POU2F1: variants seen among roughly 807,000 people sequenced by gnomAD.
The protein encoded by POU2F1 is POU domain, class 2, transcription factor 1.
In POU2F1, 16 loss-of-function variants were observed where a neutral mutation model predicts 84.9. The observed-to-expected ratio is 0.19, with a 90% CI of 0.13 to 0.29. The LOEUF is 0.29. POU2F1 is among the 10% of genes least tolerant of loss of function. The pLI is 1.00. For missense variants in POU2F1, 738 were observed against 942.6 expected (o/e 0.78, Z 2.84); for synonymous variants, 368 against 368.3 (o/e 1.00, Z 0.01).
rs1185376206 is a variant in POU2F1 at position 167,427,119 on chromosome 1, C to G, written c.*11309C>G. Reference sequence around the variant, plus strand: ...GCGGGGAATATGAGCGGTGCTGTCTCTCTCAAAAGTGCCCTTTAGATGATT... The same window carrying G: ...GCGGGGAATATGAGCGGTGCTGTCTGTCTCAAAAGTGCCCTTTAGATGATT... On this transcript the variant is annotated 3_prime_UTR_variant, in exon 16 of 16. Transcript: ENST00000367866. The G allele has an allele frequency of 1.3e-5, 2 of 152,164 alleles. No individual in the cohort carries two copies. Among genetic ancestry groups the G allele is most frequent in the Non-Finnish European group, 1.5e-5 (1 of 68,020 alleles). The allele number at this position is 152,164 out of a possible 1,614,324, so 9.4% of individuals were successfully genotyped here.
intron 1 of POU2F1, among the ~76,000 whole-genome samples, chr1:167,265,240 G>A (rs529665555): frequency 4.6e-5 from 7 of 152,342 alleles, no homozygotes; most frequent in Middle Eastern, 3.4e-3. Context: ...GAGTCTAGAT[G>A]AGAGATGGTG....
At chr1:167,411,899 G>A in intron 13 of POU2F1, 60 bp from the exon 14 acceptor site, 3 of 1,482,216 alleles carry the variant, frequency 2.0e-6, no homozygotes, top group Non-Finnish European at 2.8e-6. Flanking sequence ...GCTGAGTAAA[G>A]CCACCATTCT....
At chr1:167,237,340 A>G (rs1344079826) in intron 1 of POU2F1, among the ~76,000 whole-genome samples, 1 of 152,170 alleles carries the variant, frequency 6.6e-6, no homozygotes, top group East Asian at 1.9e-4. Context: ...TTGCATGCAT[A>G]AGTTTTTGTC....
At chr1:167,399,513 A>T in intron 12 of POU2F1, 148 bp downstream of exon 12, 2 of 733,876 alleles carry the variant, frequency 2.7e-6, no homozygotes, top group Non-Finnish European at 4.3e-6. Flanking sequence ...AGACATTACC[A>T]AGGTAATGAA....
In POU2F1 at chr1:167,425,501, T is replaced by A. The variant is rs566141631; in HGVS notation, c.*9691T>A. ...CCTAGCTTTGGCCCTCACAAACTTG[T>A]GAGCATGCCCTGAAACAAATTGGCA... On this transcript the variant is annotated 3_prime_UTR_variant, in exon 16 of 16. Transcript: ENST00000367866. 6.6e-6 allele frequency: 1 copy of A among 152,418 alleles called. No individual in the cohort carries two copies. Among genetic ancestry groups the A allele is most frequent in the South Asian group, 2.1e-4 (1 of 4,828 alleles). 9.4% of individuals were successfully genotyped at this position (152,418 alleles called of 1,614,324 possible). A position where few individuals can be genotyped will look rare whatever the true frequency, so the allele number is the denominator to read the frequency against.
rs1018793893 is a variant in POU2F1 at position 167,289,644 on chromosome 1, G to T, written c.62-42826G>T. On this transcript the variant is annotated intron_variant, in intron 1 of 15. Transcript: ENST00000367866. ...TGGTTTAATGTGACTAACATATTTT[G>T]TGGAAATTAATTTTGATTTTATGAT... 2.0e-5 allele frequency among the ~76,000 whole-genome samples: 3 copies of T among 152,180 alleles called. 1 individual carries two copies. Among genetic ancestry groups the T allele is most frequent in the Non-Finnish European group, 4.4e-5 (3 of 68,022 alleles).
intron 1 of POU2F1, among the ~76,000 whole-genome samples, chr1:167,314,228 A>G (rs1655717624): frequency 6.6e-6 from 1 of 151,950 alleles, no homozygotes; most frequent in African/African-American, 2.4e-5. Context: ...ACTTCAAAAG[A>G]AAGAAATAGA....
At position 167,392,776 on chromosome 1, in the gene POU2F1, G is replaced by T. The variant is rs534261973; in HGVS notation, c.987+3015G>T. Among the ~76,000 whole-genome samples, 16 of 152,256 alleles carry T rather than the reference G, an allele frequency of 1.1e-4. No homozygotes were observed. The East Asian group carries it at 2.9e-3, about 27-fold the overall frequency. ...AATGGTTCACAAACTTGGACTATGT[G>T]GGTTAAAGTACATACTACTGCTGCA... On this transcript the variant is annotated intron_variant, in intron 9 of 15. Coordinates refer to ENST00000367866, the MANE Select transcript of POU2F1 (RefSeq NM_002697.4).
chr1:167,412,207 G>A lies in POU2F1; in HGVS notation c.1804G>A (p.Gly602Arg). The A allele has an allele frequency of 6.2e-7, 1 of 1,612,286 alleles. No individual in the cohort carries two copies. Among genetic ancestry groups the A allele is most frequent in the Non-Finnish European group, 8.5e-7 (1 of 1,179,110 alleles). ...AACAGCAGCAGCTGCTGCCCTTCAA[G>A]GAGCTGCACAGTTGCCAGCAAATGC... is the stretch of plus-strand genomic sequence containing the variant. Reference protein sequence around the residue: ...LQTAAAAALQGAAQLPANASL... With the variant: ...LQTAAAAALQRAAQLPANASL... Residue 602 changes from glycine (G) to arginine (R), a missense_variant, in exon 14 of 16, where the codon GGA becomes AGA. By Grantham distance (125) the Gly-to-Arg change is moderately radical (BLOSUM62 -2). Coordinates refer to ENST00000367866, the MANE Select transcript of POU2F1 (RefSeq NM_002697.4).
intron 1 of POU2F1, among the ~76,000 whole-genome samples, chr1:167,256,246 G>T (rs1189133744): frequency 1.3e-5 from 2 of 152,168 alleles, no homozygotes; most frequent in Admixed American, 6.5e-5. Context: ...GAGTGTGTTG[G>T]GGGTAGAAGA....
chr1:167,361,980 AT>A (rs1456269406), intron 2 of POU2F1, among the ~76,000 whole-genome samples: 1 of 151,814 alleles, frequency 6.6e-6, no homozygotes, highest in East Asian at 1.9e-4. Context: ...ATGTCTCCTA[AT>A]GTAGGGTGCT....
rs757190439 is a variant in POU2F1, at chr1:167,399,313, G to A, written c.1397G>A (p.Gly466Asp). ...KEKRINPPSSGGTSSSPIKAI... is the reference protein window; with the variant it reads ...KEKRINPPSSDGTSSSPIKAI... ...AAAAGAATCAACCCACCAAGCAGTG[G>A]TGGGACCAGCAGCTCACCTATTAAA... Residue 466 changes from glycine to aspartate, a missense_variant, in exon 12 of 16, where the codon GGT (glycine) becomes GAT (aspartate). By Grantham distance (94) the Gly-to-Asp change is moderately conservative (BLOSUM62 -1). Coordinates refer to ENST00000367866, the MANE Select transcript of POU2F1 (RefSeq NM_002697.4). The A allele has an allele frequency of 6.2e-7, 1 of 1,614,120 alleles. No homozygotes were observed. The highest frequency in any genetic ancestry group is 1.1e-5 in the South Asian group (1 of 91,076).
At chr1:167,396,243 T>A (rs965520523) in intron 9 of POU2F1, 43 bp from the exon 10 acceptor site, 6 of 1,606,904 alleles carry the variant, frequency 3.7e-6, no homozygotes, top group Non-Finnish European at 3.4e-6. Context: ...GTGAGATAAC[T>A]CTGTCTTTCC....
chr1:167,412,348 T>TC, intron 14 of POU2F1, 44 bp downstream of exon 14: 1 of 1,452,916 alleles, frequency 6.9e-7, no homozygotes, highest in African/African-American at 1.4e-5. Context: ...GTGGAGGTCA[T>TC]CCCTGGAATT....
chr1:167,343,847 C>T (rs1259763168), intron 2 of POU2F1, among the ~76,000 whole-genome samples: 4 of 151,232 alleles, frequency 2.6e-5, no homozygotes, highest in Non-Finnish European at 5.9e-5. Context: ...ACTTGGGGTG[C>T]CTTGTGGTGC....
chr1:167,270,592 T>C (rs1248596788), intron 1 of POU2F1, among the ~76,000 whole-genome samples: 1 of 152,172 alleles, frequency 6.6e-6, no homozygotes, highest in African/African-American at 2.4e-5. Context: ...AGTTCTAATA[T>C]TTTCTTGCTT....
intron 1 of POU2F1, among the ~76,000 whole-genome samples, chr1:167,296,622 C>A (rs1654303308): frequency 2.0e-5 from 3 of 152,176 alleles, no homozygotes; most frequent in Non-Finnish European, 4.4e-5. Context: ...AGCTAAAATT[C>A]TTTTAATAAA....
At chr1:167,234,543 G>A (rs1454833515) in intron 1 of POU2F1, among the ~76,000 whole-genome samples, 1 of 152,102 alleles carries the variant, frequency 6.6e-6, no homozygotes, top group Non-Finnish European at 1.5e-5. Context: ...ACTGGCCTGG[G>A]CAACATAGCG....
intron 1 of POU2F1, among the ~76,000 whole-genome samples, chr1:167,221,757 C>T (rs1648212307): frequency 6.6e-6 from 1 of 151,230 alleles, no homozygotes; most frequent in African/African-American, 2.4e-5. Flanking sequence ...GGTGAGCGGT[C>T]GTGGGCGCTG....
Sources: allele counts gnomAD v4.1 joint callset (sites outside exome capture counted in the v4.1 genomes callset), GRCh38; gene constraint gnomAD v4.1.1; transcripts MANE v1.5; gene names NCBI Gene and HGNC (gene_info 2026-07-23, HGNC 2026-07-21).